Variants in FAM221B observed in about 807,000 individuals in gnomAD.
The protein encoded by FAM221B is protein FAM221B.
In FAM221B, 35 loss-of-function variants were observed where a neutral mutation model predicts 39.8. The ratio of observed to expected loss-of-function variants is 0.88; its 90% CI spans 0.67 to 1.17. The LOEUF (loss-of-function observed/expected upper bound fraction) is 1.17. FAM221B is among the 50% of genes most tolerant of loss of function. The pLI is 0.00. For synonymous variants in FAM221B, 158 were observed against 178.1 expected (o/e 0.89, Z 0.90); for missense variants, 479 against 503.1 (o/e 0.95, Z 0.46).
intron 3 of FAM221B, chr9:35,821,289 A>G (rs1448531405): frequency 8.2e-6 from 4 of 487,782 alleles, no homozygotes; most frequent in Non-Finnish European, 1.4e-5. Flanking sequence ...AATTGAGCTC[A>G]TTCCTTCAAG....
In FAM221B at chr9:35,825,736, C is replaced by A; in HGVS notation, c.426G>T (p.Arg142Ser). Residue 142 changes from arginine to serine, a missense_variant, in exon 2 of 7, where the codon AGG (arginine) becomes AGT (serine). Physicochemically the swap from Arg to Ser is moderately radical, Grantham distance 110. Transcript: ENST00000423537. This position sits in a 1 kb window ranked among gnomAD's most constrained non-coding sequence, Gnocchi z 4.2. ...SSSNEVPWTR[R>S]STHLSESESL... is the part of the protein sequence containing the mutation. ...TCTCAGATTCAGAGAGATGGGTAGA[C>A]CTCCTTGTCCATGGGACCTCATTGG... 1 of 1,614,188 alleles carries A rather than the reference C, an allele frequency of 6.2e-7. No homozygotes were observed. The highest frequency in any genetic ancestry group is 8.5e-7 in the Non-Finnish European group (1 of 1,180,032).
Position 35,819,086 on chromosome 9 carries a change from C to T in FAM221B, c.1052-77G>A, listed in dbSNP as rs375343491. On this transcript the variant is annotated intron_variant, in intron 5 of 6. Transcript: ENST00000423537. The stretch of plus-strand genomic sequence containing the variant: ...GAGCTGACCACATTCTCATCTCTTC[C>T]TCAGTGACCGCATGCCCAAGGCTCT... 1.1e-5 allele frequency: 17 copies of T among 1,542,226 alleles called. No homozygotes were observed. In the East Asian group the frequency reaches 2.0e-4, roughly 18 times the overall value.
At chr9:35,820,954 C>G (rs1829136218) in intron 3 of FAM221B, among the ~76,000 whole-genome samples, 1 of 152,202 alleles carries the variant, frequency 6.6e-6, no homozygotes, top group Admixed American at 6.5e-5. Context: ...ACCCCAACTT[C>G]TAGCCAAGAA....
chr9:35,827,794 C>CA (rs1398604733), intron 1 of FAM221B, among the ~76,000 whole-genome samples: 1 of 152,184 alleles, frequency 6.6e-6, no homozygotes. Context: ...CTAGATATAT[C>CA]ACTCCTTAAA....
chr9:35,826,045 G>T lies in FAM221B; in HGVS notation c.117C>A (p.Phe39Leu). ...DLQENHISES[F>L]LKPSTSETPL... ...GGGTCTCAGAGGTGGAAGGCTTCAA[G>T]AAGCTTTCAGAGATATGGTTCTCCT... Residue 39 changes from phenylalanine (F) to leucine (L), a missense_variant, in exon 2 of 7, where the codon TTC becomes TTA. Physicochemically the swap from Phe to Leu is conservative, Grantham distance 22. Coordinates refer to ENST00000423537, the MANE Select transcript of FAM221B (RefSeq NM_001012446.4). 1.9e-6 allele frequency: 3 copies of T among 1,614,166 alleles called. No homozygotes were observed. The highest frequency in any genetic ancestry group is 2.5e-6 in the Non-Finnish European group (3 of 1,180,028).
At position 35,817,189 on chromosome 9, in the gene FAM221B, T is replaced by C. The variant is rs1829040280; in HGVS notation, c.*1280A>G. The C allele has an allele frequency of 6.6e-6, 1 of 152,262 alleles. No homozygotes were observed. The highest frequency in any genetic ancestry group is 2.4e-5 in the African/African-American group (1 of 41,442). The allele number at this position is 152,262 out of a possible 1,614,324, so 9.4% of individuals were successfully genotyped here. ...AATCTCCTACTCCCATAAGAACCTATGGACTCCCTTGTGACTTCCCACATT... is the reference window on the plus strand; with the variant it reads ...AATCTCCTACTCCCATAAGAACCTACGGACTCCCTTGTGACTTCCCACATT... On this transcript the variant is annotated 3_prime_UTR_variant, in exon 7 of 7. Coordinates refer to ENST00000423537, the MANE Select transcript of FAM221B (RefSeq NM_001012446.4).
Position 35,828,433 on chromosome 9 carries a change from A to G in FAM221B, c.-1+30T>C. The G allele has an allele frequency of 1.0e-6, 1 of 956,610 alleles. No homozygotes were observed. Among genetic ancestry groups the G allele is most frequent in the Non-Finnish European group, 1.2e-6 (1 of 803,854 alleles). The allele number at this position is 956,610 out of a possible 1,614,324, so 59.3% of individuals were successfully genotyped here. ...GAAAGACAGATGTCTTTGAGGGAAG[A>G]GGGCAAGGGCCGTTGGAGAAACCAC... On this transcript the variant is annotated intron_variant, in intron 1 of 6. Transcript: ENST00000423537. This position sits in a 1 kb window ranked among gnomAD's most constrained non-coding sequence, Gnocchi z 4.5.
At chr9:35,818,591 C>T (rs1829064651) in intron 6 of FAM221B, 85 bp from the exon 7 acceptor site, 1 of 1,355,198 alleles carries the variant, frequency 7.4e-7, no homozygotes, top group Non-Finnish European at 1.0e-6. Flanking sequence ...AACCAGGGAG[C>T]CCCGGGGGAC....
At chr9:35,820,544 A>C (rs1456497457) in intron 3 of FAM221B, among the ~76,000 whole-genome samples, 1 of 152,112 alleles carries the variant, frequency 6.6e-6, no homozygotes, top group Non-Finnish European at 1.5e-5. Context: ...AGGTAGGAGG[A>C]GGGCTTCCTC....
Position 35,816,569 on chromosome 9 carries a change from T to C in FAM221B, c.*1900A>G, listed in dbSNP as rs1160016455. 1 of 152,178 alleles carries C rather than the reference T, an allele frequency of 6.6e-6. No individual in the cohort carries two copies. Among genetic ancestry groups the C allele is most frequent in the East Asian group, 1.9e-4 (1 of 5,202 alleles). 9.4% of individuals were successfully genotyped at this position (152,178 alleles called of 1,614,324 possible). ...TTTTACAGTCTACGTAAATATAGTTTGTATTGGCTGCTTATTATTTCCTTC... is the reference window on the plus strand; with the variant it reads ...TTTTACAGTCTACGTAAATATAGTTCGTATTGGCTGCTTATTATTTCCTTC... On this transcript the variant is annotated 3_prime_UTR_variant, in exon 7 of 7. Transcript: ENST00000423537.
At chr9:35,826,686 T>C (rs1054250320) in intron 1 of FAM221B, 3 of 155,478 alleles carry the variant, frequency 1.9e-5, no homozygotes, top group Non-Finnish European at 4.3e-5. Flanking sequence ...AATGATGTCA[T>C]TCATGTTCAA....
intron 3 of FAM221B, among the ~76,000 whole-genome samples, chr9:35,822,598 G>A (rs1588091945): frequency 6.6e-6 from 1 of 152,134 alleles, no homozygotes; most frequent in African/African-American, 2.4e-5. Context: ...TAATAGAGAC[G>A]GGGTTTCACC....
At position 35,819,002 on chromosome 9, in the gene FAM221B, G is replaced by A. The variant is rs1222634313; in HGVS notation, c.1059C>T (p.Cys353=). The A allele has an allele frequency of 6.4e-7, 1 of 1,551,596 alleles. No homozygotes were observed. The highest frequency in any genetic ancestry group is 8.7e-7 in the Non-Finnish European group (1 of 1,147,018). The change falls in exon 6 of 7, where the codon TGC becomes TGT. Residue 353 remains cysteine, a synonymous_variant. Coordinates refer to ENST00000423537, the MANE Select transcript of FAM221B (RefSeq NM_001012446.4). Reference sequence around the variant, plus strand: ...GGAAATTAGACTCAAAACAGCCGCAGCAACAGCCTGGGGCAAAAGTGCAGC... The same window carrying A: ...GGAAATTAGACTCAAAACAGCCGCAACAACAGCCTGGGGCAAAAGTGCAGC... The part of the protein sequence containing the change: ...GPHPCRHHGC[C]CGCFESNFLC...
chr9:35,819,204 C>A lies in FAM221B; in HGVS notation c.1044G>T (p.Arg348Ser). ...EHAATGPHPC[R>S]HHGCCCGCFE... ...TCTTGCCCTAGAAGTTACCATGATG[C>A]CTGCAGGGATGGGGCCCAGTGGCTG... Residue 348 changes from arginine to serine, a missense_variant, in exon 5 of 7, where the codon AGG becomes AGT. Arg to Ser is a moderately radical substitution (Grantham distance 110, BLOSUM62 -1). Transcript: ENST00000423537. 6.4e-7 allele frequency: 1 copy of A among 1,551,208 alleles called. No individual in the cohort carries two copies. The highest frequency in any genetic ancestry group is 2.4e-5 in the East Asian group (1 of 40,914).
intron 3 of FAM221B, 121 bp from the exon 4 acceptor site, chr9:35,820,121 A>T: frequency 1.6e-6 from 1 of 630,236 alleles, no homozygotes; most frequent in Non-Finnish European, 2.8e-6. Flanking sequence ...ACCCCCAGGT[A>T]TCTTTATCTC....
Position 35,816,942 on chromosome 9 carries a change from G to A in FAM221B, c.*1527C>T, listed in dbSNP as rs189430494. 3.7e-4 allele frequency: 56 copies of A among 152,354 alleles called. 1 individual carries two copies. Among genetic ancestry groups the A allele is most frequent in the African/African-American group, 1.3e-3 (53 of 41,576 alleles). 9.4% of individuals were successfully genotyped at this position (152,354 alleles called of 1,614,324 possible). On this transcript the variant is annotated 3_prime_UTR_variant, in exon 7 of 7. Coordinates refer to ENST00000423537, the MANE Select transcript of FAM221B (RefSeq NM_001012446.4). Reference sequence around the variant, plus strand: ...CTCTGGGACACTGGGAGACCCTAGAGTTGCCCTGGAGAAGGGCGAGAGATA... The same window carrying A: ...CTCTGGGACACTGGGAGACCCTAGAATTGCCCTGGAGAAGGGCGAGAGATA...
Position 35,818,957 on chromosome 9 carries a change from C to A in FAM221B, c.1104G>T (p.Arg368=), listed in dbSNP as rs1427600915. Residue 368 remains arginine, a synonymous_variant, in exon 6 of 7, where the codon CGG becomes CGT. Transcript: ENST00000423537. ...ESNFLCAACD[R]RWEEHETFFD... ...AGAAAGTCTCGTGTTCCTCCCAGCG[C>A]CGGTCACAGGCCGCACAGAGGAAAT... is the stretch of plus-strand genomic sequence containing the variant. 1 of 1,551,648 alleles carries A rather than the reference C, an allele frequency of 6.4e-7. No individual in the cohort carries two copies. Among genetic ancestry groups the A allele is most frequent in the Non-Finnish European group, 8.7e-7 (1 of 1,147,036 alleles).
rs1383118211 is a variant in FAM221B at position 35,818,954 on chromosome 9, G to T, written c.1107C>A (p.Arg369=). 6.4e-7 allele frequency: 1 copy of T among 1,551,796 alleles called. No individual in the cohort carries two copies. The highest frequency in any genetic ancestry group is 8.7e-7 in the Non-Finnish European group (1 of 1,147,030). ...CAAAGAAAGTCTCGTGTTCCTCCCA[G>T]CGCCGGTCACAGGCCGCACAGAGGA... ...SNFLCAACDR[R]WEEHETFFDT... The change falls in exon 6 of 7, where the codon CGC becomes CGA. Residue 369 remains arginine, a synonymous_variant. Coordinates refer to ENST00000423537, the MANE Select transcript of FAM221B (RefSeq NM_001012446.4).
rs1449430495 is a variant in FAM221B at position 35,817,442 on chromosome 9, G to A, written c.*1027C>T. ...CCTGGCATCACTTTCTTTCCCTATT[G>A]GTGCTGTATGCTCCCTTCACATCCT... On this transcript the variant is annotated 3_prime_UTR_variant, in exon 7 of 7. Transcript: ENST00000423537. 2.0e-5 allele frequency: 3 copies of A among 152,114 alleles called. No homozygotes were observed. The highest frequency in any genetic ancestry group is 2.9e-5 in the Non-Finnish European group (2 of 68,068). 9.4% of individuals were successfully genotyped at this position (152,114 alleles called of 1,614,324 possible).
Sources: allele counts gnomAD v4.1 joint callset (sites outside exome capture counted in the v4.1 genomes callset), GRCh38; gene constraint gnomAD v4.1.1; non-coding constraint Gnocchi (gnomAD v3.1); transcripts MANE v1.5; gene names NCBI Gene and HGNC (gene_info 2026-07-23, HGNC 2026-07-21).